ARHGAP44: variants seen among roughly 807,000 people sequenced by gnomAD.
The protein encoded by ARHGAP44 is rho GTPase-activating protein 44.
A neutral mutation model predicts 106.8 loss-of-function variants in ARHGAP44; 43 were observed. The ratio of observed to expected loss-of-function variants is 0.40; its 90% confidence interval spans 0.32 to 0.52. The LOEUF (loss-of-function observed/expected upper bound fraction) is 0.52, where lower values mean the gene tolerates loss of function less well. Ranked by LOEUF, ARHGAP44 falls within the 20% of genes least tolerant of loss-of-function variation. The pLI, the probability that ARHGAP44 is intolerant of heterozygous loss-of-function variation, is 0.48. For missense variants in ARHGAP44, 866 were observed against 1,050.5 expected (o/e 0.82, Z 2.43); for synonymous variants, 439 against 410.3 (o/e 1.07, Z -0.85).
chr17:12,958,824 C>T lies in ARHGAP44; in HGVS notation c.1450C>T (p.Gln484Ter). 6.3e-7 allele frequency: 1 copy of T among 1,597,794 alleles called. No individual in the cohort carries two copies. Among genetic ancestry groups the T allele is most frequent in the Non-Finnish European group, 8.5e-7 (1 of 1,172,762 alleles). ...AGACATGGACCCTGCTGACCGGCGCCAGCCCGAGCAGGCCCGCCGGCCCCT... is the reference window on the plus strand; with the variant it reads ...AGACATGGACCCTGCTGACCGGCGCTAGCCCGAGCAGGCCCGCCGGCCCCT... The part of the protein sequence containing the change: ...SPDMDPADRR[Q>*]PEQARRPLSV... Residue 484 changes from glutamine (Q) to a stop codon, truncating the protein, a stop_gained, in exon 16 of 21, where the codon CAG (glutamine) becomes TAG (stop). Transcript: ENST00000379672. LOFTEE classifies it high-confidence loss of function. This position sits in a 1 kb window ranked among gnomAD's most constrained non-coding sequence, Gnocchi z 4.1.
At chr17:12,916,443 G>A (rs1160078299) in intron 5 of ARHGAP44, among the ~76,000 whole-genome samples, 1 of 152,036 alleles carries the variant, frequency 6.6e-6, no homozygotes, top group Non-Finnish European at 1.5e-5. Context: ...GAGTGCAGTG[G>A]TACGATCATG....
chr17:12,789,747 A>G lies in ARHGAP44; in HGVS notation c.-92A>G. ...CGCAGTGCCGCCGCCGTCGCCCGGGAGGCTCCGCGCGGGAGCCATGTAACC... is the reference window on the plus strand; with the variant it reads ...CGCAGTGCCGCCGCCGTCGCCCGGGGGGCTCCGCGCGGGAGCCATGTAACC... On this transcript the variant is annotated 5_prime_UTR_variant, in exon 1 of 21. Coordinates refer to ENST00000379672, the MANE Select transcript of ARHGAP44 (RefSeq NM_014859.6). 1 of 1,197,778 alleles carries G rather than the reference A, an allele frequency of 8.3e-7. No homozygotes were observed. Among genetic ancestry groups the G allele is most frequent in the Non-Finnish European group, 1.1e-6 (1 of 920,036 alleles). 74.2% of individuals were successfully genotyped at this position (1,197,778 alleles called of 1,614,324 possible). A position where few individuals can be genotyped will look rare whatever the true frequency, so the allele number is the denominator to read the frequency against.
At position 12,809,466 on chromosome 17, in the gene ARHGAP44, C is replaced by G. The variant is rs181467857; in HGVS notation, c.53+19575C>G. ...AAAGCGTGTCTTACACGGCAGCAGA[C>G]AAGAGAGCTTGTGCAGGGAACTCCC... On this transcript the variant is annotated intron_variant, in intron 1 of 20. Transcript: ENST00000379672. Among the ~76,000 whole-genome samples the G allele has an allele frequency of 2.3e-3, 355 of 152,308 alleles. 2 individuals are homozygous for G. Among genetic ancestry groups the G allele is most frequent in the Non-Finnish European group, 4.0e-3 (274 of 68,030 alleles).
intron 1 of ARHGAP44, among the ~76,000 whole-genome samples, chr17:12,808,651 A>G (rs897431789): frequency 3.9e-5 from 6 of 152,190 alleles, no homozygotes; most frequent in African/African-American, 1.4e-4. Flanking sequence ...CTGCCTCACA[A>G]AATCATTTTT....
intron 16 of ARHGAP44, among the ~76,000 whole-genome samples, chr17:12,968,129 A>G (rs1345672981): frequency 6.6e-6 from 1 of 152,184 alleles, no homozygotes; most frequent in Non-Finnish European, 1.5e-5. Context: ...TTTTTGAGTG[A>G]CATCCTCATG....
At chr17:12,933,513 AAG>A (rs1277978941) in intron 7 of ARHGAP44, among the ~76,000 whole-genome samples, 1 of 152,198 alleles carries the variant, frequency 6.6e-6, no homozygotes, top group African/African-American at 2.4e-5. Context: ...TCCCTACTTC[AAG>A]ATGAGACAAG....
chr17:12,926,453 T>C (rs1001515763), intron 6 of ARHGAP44, among the ~76,000 whole-genome samples: 14 of 117,004 alleles, frequency 1.2e-4, no homozygotes, highest in Non-Finnish European at 2.0e-4. Context: ...ATACATAATA[T>C]ATATACATAT....
At chr17:12,806,906 A>G (rs2034292320) in intron 1 of ARHGAP44, among the ~76,000 whole-genome samples, 1 of 152,180 alleles carries the variant, frequency 6.6e-6, no homozygotes. Context: ...AAACTTTTAT[A>G]AGGTGTCGTG....
intron 1 of ARHGAP44, among the ~76,000 whole-genome samples, chr17:12,836,233 G>A (rs375525925): frequency 1.3e-5 from 2 of 152,136 alleles, no homozygotes; most frequent in East Asian, 3.9e-4. Context: ...ACGGAGCAAA[G>A]TTATGCCAAT....
At chr17:12,965,026 C>T (rs1480949280) in intron 16 of ARHGAP44, among the ~76,000 whole-genome samples, 1 of 152,176 alleles carries the variant, frequency 6.6e-6, no homozygotes. Context: ...CCCCTGCTCC[C>T]TGCACTTGCC....
At chr17:12,917,380 C>T (rs146682743) in intron 5 of ARHGAP44, 15 of 152,772 alleles carry the variant, frequency 9.8e-5, no homozygotes, top group Middle Eastern at 5.8e-3. Context: ...AGAAGCTGAT[C>T]GTGCAGCCCC....
chr17:12,852,481 T>A (rs2035780749), intron 1 of ARHGAP44, among the ~76,000 whole-genome samples: 1 of 151,220 alleles, frequency 6.6e-6, no homozygotes, highest in Non-Finnish European at 1.5e-5. Flanking sequence ...ATTGCTTATA[T>A]CTTTTGTATT....
rs966922017 is a variant in ARHGAP44, at chr17:12,944,371, C to T, written c.861+175C>T. Among the ~76,000 whole-genome samples, 31 of 152,276 alleles carry T rather than the reference C, an allele frequency of 2.0e-4. No individual in the cohort carries two copies. The South Asian group carries it at 3.7e-3, about 18-fold the overall frequency. Reference sequence around the variant, plus strand: ...AACACAAATTGATCCTGCCTTTTACCGTGAGCCTTCATTTGACAAGAAGAG... The same window carrying T: ...AACACAAATTGATCCTGCCTTTTACTGTGAGCCTTCATTTGACAAGAAGAG... On this transcript the variant is annotated intron_variant, in intron 10 of 20. Coordinates refer to ENST00000379672, the MANE Select transcript of ARHGAP44 (RefSeq NM_014859.6).
At chr17:12,903,125 A>AGAGAGAGG (rs1567677724) in intron 3 of ARHGAP44, among the ~76,000 whole-genome samples, 6 of 72,702 alleles carry the variant, frequency 8.3e-5, no homozygotes, top group Non-Finnish European at 1.0e-4. Context: ...AGAGAGAGAG[A>AGAGAGAGG]GGAGAGAGAG....
intron 10 of ARHGAP44, among the ~76,000 whole-genome samples, chr17:12,944,638 A>G (rs1033483868): frequency 6.8e-6 from 1 of 147,718 alleles, no homozygotes; most frequent in Non-Finnish European, 1.5e-5. Flanking sequence ...GGCGTGTGCC[A>G]CCACGCCCAG....
intron 1 of ARHGAP44, among the ~76,000 whole-genome samples, chr17:12,887,106 A>G (rs2036905620): frequency 6.6e-6 from 1 of 151,902 alleles, no homozygotes; most frequent in African/African-American, 2.4e-5. Flanking sequence ...TGATATTTGA[A>G]TGTTGAACCA....
intron 1 of ARHGAP44, among the ~76,000 whole-genome samples, chr17:12,822,148 A>G (rs1014373185): frequency 6.6e-5 from 10 of 152,316 alleles, no homozygotes; most frequent in African/African-American, 2.2e-4. Context: ...CAGGCAGTAA[A>G]TATTTTAGGC....
At chr17:12,930,192 A>G (rs1002534366) in intron 7 of ARHGAP44, among the ~76,000 whole-genome samples, 1 of 151,010 alleles carries the variant, frequency 6.6e-6, no homozygotes, top group African/African-American at 2.4e-5. Context: ...TCTCCTTCCA[A>G]TTTCATTTTT....
chr17:12,823,294 G>C (rs1023595515), intron 1 of ARHGAP44, among the ~76,000 whole-genome samples: 3 of 152,152 alleles, frequency 2.0e-5, no homozygotes, highest in Admixed American at 6.5e-5. Flanking sequence ...CTCAACTTAA[G>C]TGAGCCCCAA....
Sources: gnomAD v4.1 joint callset for allele counts (sites outside exome capture counted in the v4.1 genomes callset) on GRCh38, gnomAD v4.1.1 for gene constraint, Gnocchi (gnomAD v3.1) non-coding constraint, MANE v1.5 for transcripts, NCBI Gene and HGNC (gene_info 2026-07-23, HGNC 2026-07-21) for gene names.